Variants in GCC2 observed in about 807,000 individuals in gnomAD.
GCC2 encodes the protein GRIP and coiled-coil domain containing 2.
In GCC2, 120 loss-of-function variants were observed where a neutral mutation model predicts 210.6. The ratio of observed to expected loss-of-function variants is 0.57; its 90% CI spans 0.49 to 0.66. The LOEUF (loss-of-function observed/expected upper bound fraction) is 0.66. Among genes scored for constraint, GCC2 ranks in the 30% least tolerant of loss-of-function variants. The pLI is 0.00. For synonymous variants in GCC2, 703 were observed against 652.7 expected, an observed-to-expected ratio of 1.08 and a Z score of -1.17; for missense variants, 1,868 against 1,871.9, an observed-to-expected ratio of 1.00 and a Z score of 0.04.
chr2:108,490,220 C>T, intron 18 of GCC2: 1 of 380,040 alleles, frequency 2.6e-6, no homozygotes, highest in Non-Finnish European at 4.7e-6. Context: ...CAATTAATGT[C>T]TATCTGCTCA....
At position 108,483,128 on chromosome 2, in the gene GCC2, C is replaced by T. The variant is rs142611820; in HGVS notation, c.3412C>T (p.Leu1138Phe). The T allele has an allele frequency of 1.2e-4, 185 of 1,575,378 alleles. No individual in the cohort carries two copies. The highest frequency in any genetic ancestry group is 1.5e-4 in the Non-Finnish European group (175 of 1,145,250). The change falls in exon 12 of 23, where the codon CTT (leucine) becomes TTT (phenylalanine). Residue 1138 changes from leucine to phenylalanine, a missense_variant. This residue lies in a region of GCC2 where 1,847 missense variants were observed against 1,765.2 expected (regional missense o/e 1.05). Transcript: ENST00000309863. ...ACAACTTCAAAAGCAAAAGAAACAG[C>T]TTCAGAAAACCATGCAAGAATTAGA... is the stretch of plus-strand genomic sequence containing the variant. ...QVQLQKQKKQ[L>F]QKTMQELELV...
chr2:108,483,643 C>G (rs1573210844), intron 12 of GCC2, among the ~76,000 whole-genome samples: 1 of 152,194 alleles, frequency 6.6e-6, no homozygotes, highest in African/African-American at 2.4e-5. Flanking sequence ...ACTTACTTCT[C>G]TAAGTACCAG....
At chr2:108,498,009 A>G (rs1682729619) in intron 21 of GCC2, among the ~76,000 whole-genome samples, 1 of 152,020 alleles carries the variant, frequency 6.6e-6, no homozygotes, top group Non-Finnish European at 1.5e-5. Flanking sequence ...GATTATTTTA[A>G]AGCTGAATTC....
Position 108,495,427 on chromosome 2 carries a change from C to T in GCC2, c.4584C>T (p.Ser1528=), listed in dbSNP as rs760568596. 5.0e-6 allele frequency: 8 copies of T among 1,593,944 alleles called. No homozygotes were observed. The highest frequency in any genetic ancestry group is 5.0e-5 in the Admixed American group (3 of 59,956). ...METTDTESVS[S]ASTYTQSLEQ... ...CAACTGATACGGAGTCTGTGTCTTC[C>T]GCCAGCACATACACACAGTCTTTAG... The change falls in exon 20 of 23, where the codon TCC becomes TCT. Residue 1528 remains serine (S), a synonymous_variant. Transcript: ENST00000309863.
At chr2:108,475,663 C>T (rs372173426) in intron 8 of GCC2, 28 bp downstream of exon 8, 3 of 1,468,820 alleles carry the variant, frequency 2.0e-6, no homozygotes, top group African/African-American at 2.9e-5. Context: ...ATGTAAGATT[C>T]CGGAATCTCA....
Position 108,470,899 on chromosome 2 carries a change from A to G in GCC2, c.1570A>G (p.Arg524Gly), listed in dbSNP as rs1175995115. The G allele has an allele frequency of 6.2e-7, 1 of 1,613,666 alleles. No individual in the cohort carries two copies. Among genetic ancestry groups the G allele is most frequent in the South Asian group, 1.1e-5 (1 of 91,020 alleles). ...SDVHELQQKLRTAFTEKDALL... is the reference protein window; with the variant it reads ...SDVHELQQKLGTAFTEKDALL... Reference sequence around the variant, plus strand: ...TGTTCATGAACTGCAGCAGAAGCTCAGAACTGCTTTTACTGAAAAAGATGC... The same window carrying G: ...TGTTCATGAACTGCAGCAGAAGCTCGGAACTGCTTTTACTGAAAAAGATGC... Residue 524 changes from arginine (R) to glycine (G), a missense_variant, in exon 6 of 23, where the codon AGA (arginine) becomes GGA (glycine). Transcript: ENST00000309863.
chr2:108,475,607 A>G lies in GCC2; in HGVS notation c.2933A>G (p.Lys978Arg). ...NKIKLVAVKA[K>R]KELDSSRKET... ...ATAAAATTAGTTGCCGTAAAGGCAA[A>G]GAAAGAACTAGATTCCAGCAGAAAA... The change falls in exon 8 of 23, where the codon AAG becomes AGG. Residue 978 changes from lysine to arginine, a missense_variant. Lys to Arg is a conservative substitution (Grantham distance 26). This residue lies in a region of GCC2 where 1,847 missense variants were observed against 1,765.2 expected (regional missense o/e 1.05). Transcript: ENST00000309863. 6.5e-7 allele frequency: 1 copy of G among 1,544,304 alleles called. No homozygotes were observed. The highest frequency in any genetic ancestry group is 8.7e-7 in the Non-Finnish European group (1 of 1,146,492).
intron 4 of GCC2, among the ~76,000 whole-genome samples, chr2:108,455,738 G>T (rs933160303): frequency 6.6e-6 from 1 of 152,006 alleles, no homozygotes; most frequent in Non-Finnish European, 1.5e-5. Flanking sequence ...CATATTCCTG[G>T]AAATGGCGTG....
chr2:108,502,743 T>TA (rs762974760), intron 22 of GCC2, among the ~76,000 whole-genome samples: 6 of 151,682 alleles, frequency 4.0e-5, no homozygotes, highest in Non-Finnish European at 8.8e-5. Flanking sequence ...GCCAACATGG[T>TA]GAAACCCCGT....
chr2:108,498,235 T>A (rs2378149), intron 21 of GCC2, among the ~76,000 whole-genome samples: 81,749 of 132,092 alleles, frequency 0.62, 25,660 homozygotes, highest in East Asian at 0.97. Flanking sequence ...TCGCTCTGTC[T>A]CCAGGTTTGG....
Position 108,507,723 on chromosome 2 carries a change from T to C in GCC2, c.*93T>C. 2.2e-6 allele frequency: 2 copies of C among 896,882 alleles called. No individual in the cohort carries two copies. The highest frequency in any genetic ancestry group is 2.9e-5 in the South Asian group (2 of 68,226). The allele number at this position is 896,882 out of a possible 1,614,324, so 55.6% of individuals were successfully genotyped here. ...CACAATTCTTTTGTCAAAAAGTGTGTATATATGTTTGCATCTACATATATT... is the reference window on the plus strand; with the variant it reads ...CACAATTCTTTTGTCAAAAAGTGTGCATATATGTTTGCATCTACATATATT... On this transcript the variant is annotated 3_prime_UTR_variant, in exon 23 of 23. Transcript: ENST00000309863.
chr2:108,475,888 T>G (rs746866981), intron 9 of GCC2, 38 bp downstream of exon 9: 18 of 1,086,998 alleles, frequency 1.7e-5, no homozygotes, highest in Non-Finnish European at 2.5e-5. Context: ...TTATAAAAGT[T>G]GTAATAATAA....
chr2:108,485,303 C>T (rs1682077786), intron 13 of GCC2, among the ~76,000 whole-genome samples: 1 of 150,606 alleles, frequency 6.6e-6, no homozygotes, highest in Non-Finnish European at 1.5e-5. Flanking sequence ...CACACGTACC[C>T]TAAAACTTAA....
At chr2:108,503,934 C>T (rs1002122412) in intron 22 of GCC2, among the ~76,000 whole-genome samples, 1 of 152,016 alleles carries the variant, frequency 6.6e-6, no homozygotes, top group African/African-American at 2.4e-5. Flanking sequence ...CATGGCGAGA[C>T]CCTATGTCTG....
At chr2:108,469,484 G>A in intron 5 of GCC2, 167 bp from the exon 6 acceptor site, 3 of 547,948 alleles carry the variant, frequency 5.5e-6, no homozygotes, top group Non-Finnish European at 9.6e-6. Context: ...ACTTTAGATA[G>A]GCAGCACCTA....
At position 108,487,937 on chromosome 2, in the gene GCC2, G is replaced by A. The variant is rs994229427; in HGVS notation, c.4052+117G>A. The stretch of plus-strand genomic sequence containing the variant: ...TTTTTTTTTTTTGAGACAGACTTTC[G>A]CTCTTGTTGCCCAGGCTGGAGTGCA... On this transcript the variant is annotated intron_variant, in intron 17 of 22. Coordinates refer to ENST00000309863, the MANE Select transcript of GCC2 (RefSeq NM_181453.4). 7 of 1,020,072 alleles carry A rather than the reference G, an allele frequency of 6.9e-6. No individual in the cohort carries two copies. The Admixed American group carries it at 8.7e-5, about 13-fold the overall frequency. The allele number at this position is 1,020,072 out of a possible 1,614,324, so 63.2% of individuals were successfully genotyped here.
Position 108,470,164 on chromosome 2 carries a change from A to C in GCC2, c.835A>C (p.Asn279His). 6.2e-7 allele frequency: 1 copy of C among 1,613,624 alleles called. No individual in the cohort carries two copies. Among genetic ancestry groups the C allele is most frequent in the Non-Finnish European group, 8.5e-7 (1 of 1,179,838 alleles). ...AAATAAGTTGAACGAGCTAAAAGAG[A>C]ACTTAGTAAAACAATGTGAGGCAAG... The part of the protein sequence containing the change: ...EINKLNELKE[N>H]LVKQCEASEK... Residue 279 changes from asparagine (N) to histidine (H), a missense_variant, in exon 6 of 23, where the codon AAC (asparagine) becomes CAC (histidine). Asn to His is a moderately conservative substitution (Grantham distance 68). Coordinates refer to ENST00000309863, the MANE Select transcript of GCC2 (RefSeq NM_181453.4).
In GCC2 at chr2:108,449,776, T is replaced by C; in HGVS notation, c.63+87T>C. 4.1e-6 allele frequency: 4 copies of C among 963,934 alleles called. No homozygotes were observed. In the South Asian group the frequency reaches 4.2e-5, roughly 10 times the overall value. 59.7% of individuals were successfully genotyped at this position (963,934 alleles called of 1,614,324 possible). A position where few individuals can be genotyped will look rare whatever the true frequency, so the allele number is the denominator to read the frequency against. ...TTTGGCATGGGGAAGGGGGGGGCGC[T>C]GATTTTTTTTTTTTTAATAGCCTTG... On this transcript the variant is annotated intron_variant, in intron 2 of 22. Transcript: ENST00000309863.
Position 108,483,125 on chromosome 2 carries a change from C to T in GCC2, c.3409C>T (p.Gln1137Ter), listed in dbSNP as rs776376279. Reference sequence around the variant, plus strand: ...GGTACAACTTCAAAAGCAAAAGAAACAGCTTCAGAAAACCATGCAAGAATT... The same window carrying T: ...GGTACAACTTCAAAAGCAAAAGAAATAGCTTCAGAAAACCATGCAAGAATT... ...LQVQLQKQKK[Q>*]LQKTMQELEL... Residue 1137 changes from glutamine (Q) to a stop codon, truncating the protein, a stop_gained, in exon 12 of 23, where the codon CAG becomes TAG. Coordinates refer to ENST00000309863, the MANE Select transcript of GCC2 (RefSeq NM_181453.4). LOFTEE classifies it high-confidence loss of function. 1 of 1,578,322 alleles carries T rather than the reference C, an allele frequency of 6.3e-7. No individual in the cohort carries two copies. The highest frequency in any genetic ancestry group is 1.3e-5 in the African/African-American group (1 of 74,152).
Sources: gnomAD v4.1 joint callset for allele counts (sites outside exome capture counted in the v4.1 genomes callset) on GRCh38, gnomAD v4.1.1 for gene constraint, gnomAD v4.1.1 regional missense constraint, MANE v1.5 for transcripts, NCBI Gene and HGNC (gene_info 2026-07-23, HGNC 2026-07-21) for gene names.